Variants in TENM1 observed in about 807,000 individuals in gnomAD.
TENM1 encodes the protein teneurin transmembrane protein 1, also known as teneurin-1.
TENM1 carries 35 observed loss-of-function variants against 174.8 expected under a neutral mutation model. The observed-to-expected ratio is 0.20, with a 90% CI of 0.15 to 0.27. The LOEUF (loss-of-function observed/expected upper bound fraction) is 0.27, where lower values mean the gene tolerates loss of function less well. Ranked by LOEUF, TENM1 falls within the 10% of genes least tolerant of loss-of-function variation. TENM1 has a pLI of 1.00. For missense variants in TENM1, 1,633 were observed against 2,130.1 expected (o/e 0.77, Z 4.59); for synonymous variants, 781 against 798.7 (o/e 0.98, Z 0.37).
chrX:124,638,083 T>A (rs1217513754), intron 11 of TENM1, among the ~76,000 whole-genome samples: 1 of 112,012 alleles, frequency 8.9e-6, no homozygotes, highest in Non-Finnish European at 1.9e-5. Context: ...CTATCATTTT[T>A]TTCCCTCATC....
chrX:125,029,645 T>C, the TENM1 span, among the ~76,000 whole-genome samples: 2 of 112,101 alleles, frequency 1.8e-5, no homozygotes, highest in Non-Finnish European at 3.8e-5. Context: ...ACTGCCCTGC[T>C]ATTTTTATTT....
At chrX:124,653,126 A>T (rs1365613267) in intron 7 of TENM1, among the ~76,000 whole-genome samples, 2 of 112,185 alleles carry the variant, frequency 1.8e-5, no homozygotes, top group Non-Finnish European at 3.8e-5. Flanking sequence ...AGTTTTACAC[A>T]TTTAAGTTAT....
At chrX:125,109,380 T>C in the TENM1 span, among the ~76,000 whole-genome samples, 3 of 111,362 alleles carry the variant, frequency 2.7e-5, no homozygotes, top group Admixed American at 1.9e-4. Context: ...AATCAACTTT[T>C]ATTTTAAGTT....
At chrX:124,661,209 G>A (rs2051592026) in intron 6 of TENM1, among the ~76,000 whole-genome samples, 1 of 111,862 alleles carries the variant, frequency 8.9e-6, no homozygotes, top group Non-Finnish European at 1.9e-5. Context: ...TCTTTCTGAT[G>A]TGATGAAAAT....
At chrX:124,583,072 T>A (rs982785541) in intron 11 of TENM1, among the ~76,000 whole-genome samples, 14 of 112,180 alleles carry the variant, frequency 1.2e-4, no homozygotes, top group African/African-American at 4.5e-4. Context: ...CAAGGAGGCC[T>A]GCCTGCCTCT....
chrX:124,708,710 C>T (rs758202868), intron 4 of TENM1, among the ~76,000 whole-genome samples: 2 of 110,687 alleles, frequency 1.8e-5, no homozygotes, highest in Admixed American at 9.6e-5. Context: ...GTATGGGCAA[C>T]GTTATTCAAT....
At chrX:124,977,502 G>A in the TENM1 span, among the ~76,000 whole-genome samples, 1 of 111,195 alleles carries the variant, frequency 9.0e-6, no homozygotes, top group Non-Finnish European at 1.9e-5. Context: ...CCCATTTTAA[G>A]TGTAAAATTC....
At chrX:125,070,085 G>A in the TENM1 span, among the ~76,000 whole-genome samples, 4 of 110,005 alleles carry the variant, frequency 3.6e-5, no homozygotes, top group Admixed American at 9.8e-5. Context: ...TAGCTACTCA[G>A]TAGGCTGAGG....
chrX:124,962,989 T>C (rs2058678376), intron 1 of TENM1, among the ~76,000 whole-genome samples: 1 of 112,284 alleles, frequency 8.9e-6, no homozygotes, highest in African/African-American at 3.2e-5. Context: ...TGTCAATCCA[T>C]AATTGAGAAA....
chrX:124,561,421 C>G (rs750195700), intron 14 of TENM1, among the ~76,000 whole-genome samples: 75 of 110,792 alleles, frequency 6.8e-4, no homozygotes, highest in African/African-American at 2.4e-3. Flanking sequence ...ACCTATACCT[C>G]ATAGGGTTAT....
intron 6 of TENM1, among the ~76,000 whole-genome samples, chrX:124,659,509 T>C (rs2051537147): frequency 8.9e-6 from 1 of 111,916 alleles, no homozygotes; most frequent in African/African-American, 3.2e-5. Context: ...ATATCCTATG[T>C]TCATGGATCA....
At chrX:124,426,282 A>C (rs1201084773) in intron 23 of TENM1, among the ~76,000 whole-genome samples, 3 of 111,766 alleles carry the variant, frequency 2.7e-5, no homozygotes, top group African/African-American at 9.8e-5. Flanking sequence ...AGGCAGAAAA[A>C]AAGTCCCATT....
chrX:124,529,939 G>A, exon 16 of TENM1: 1 of 1,210,612 alleles, frequency 8.3e-7, no homozygotes, highest in South Asian at 1.8e-5. Flanking sequence ...CACTAGAGGA[G>A]TTCCATCTAT....
chrX:124,652,136 A>G lies in TENM1; in HGVS notation c.1369-12T>C. On this transcript the variant is annotated splice_polypyrimidine_tract_variant and intron_variant, in intron 7 of 31. Coordinates refer to ENST00000422452, the Ensembl canonical transcript of TENM1. ...TTTACAAAATCAAACTGGAACAAAT[A>G]CAAACATGAAGATGAGCCACTACTT... The G allele has an allele frequency of 8.3e-7, 1 of 1,207,671 alleles. No homozygotes were observed. The highest frequency in any genetic ancestry group is 1.1e-6 in the Non-Finnish European group (1 of 893,332).
chrX:124,900,467 T>C (rs1457967430), intron 1 of TENM1, among the ~76,000 whole-genome samples: 2 of 111,992 alleles, frequency 1.8e-5, no homozygotes, highest in Admixed American at 1.9e-4. Flanking sequence ...ATTGTGGTGA[T>C]AGTTTCACAG....
intron 3 of TENM1, among the ~76,000 whole-genome samples, chrX:124,879,139 C>T (rs1319317267): frequency 8.9e-6 from 1 of 111,866 alleles, no homozygotes; most frequent in Non-Finnish European, 1.9e-5. Context: ...CATTTCAAGT[C>T]CTCTCTTCCA....
exon 30 of TENM1, chrX:124,383,703 A>G: frequency 8.3e-7 from 1 of 1,209,721 alleles, no homozygotes; most frequent in Non-Finnish European, 1.1e-6. Flanking sequence ...TAGAGGTTGA[A>G]TGGTTTAGGA....
chrX:124,907,212 A>G (rs947695953), intron 1 of TENM1, among the ~76,000 whole-genome samples: 1 of 112,083 alleles, frequency 8.9e-6, no homozygotes, highest in African/African-American at 3.2e-5. Flanking sequence ...AGAAAAACCA[A>G]TCTGTGTTCA....
chrX:124,476,147 T>G (rs1371733532), intron 22 of TENM1, among the ~76,000 whole-genome samples: 1 of 111,697 alleles, frequency 9.0e-6, no homozygotes, highest in African/African-American at 3.3e-5. Context: ...CTATGTCTGT[T>G]TCTTTACTAC....
Sources: gnomAD v4.1 joint callset for allele counts (sites outside exome capture counted in the v4.1 genomes callset) on GRCh38, gnomAD v4.1.1 for gene constraint, MANE v1.5 for transcripts, NCBI Gene and HGNC (gene_info 2026-07-23, HGNC 2026-07-21) for gene names.